Variants in MTERF4 observed in about 807,000 individuals in gnomAD.
The protein encoded by MTERF4 is transcription termination factor 4, mitochondrial.
MTERF4 carries 17 observed loss-of-function variants against 22.5 expected under a neutral mutation model. That is an observed-to-expected ratio of 0.75 (90% CI 0.52 to 1.13). The LOEUF is 1.13. MTERF4 is among the 50% of genes most tolerant of loss of function. MTERF4 has a pLI of 0.00. For missense variants in MTERF4, 420 were observed against 466.8 expected, an observed-to-expected ratio of 0.90 and a Z score of 0.92; for synonymous variants, 165 against 175.3, an observed-to-expected ratio of 0.94 and a Z score of 0.47.
At chr2:241,053,098 G>T in the MTERF4 span, 1 of 1,538,884 alleles carries the variant, frequency 6.5e-7, no homozygotes, top group Non-Finnish European at 8.8e-7. Context: ...GCAGGGCGGT[G>T]GGGAGGGGCC....
rs578230248 is a variant in MTERF4, at chr2:241,096,784, C to T, written c.706-346G>A. 21 of 518,906 alleles carry T rather than the reference C, an allele frequency of 4.0e-5. No homozygotes were observed. Among genetic ancestry groups the T allele is most frequent in the African/African-American group, 3.1e-4 (16 of 51,584 alleles). 32.1% of individuals were successfully genotyped at this position (518,906 alleles called of 1,614,324 possible). On this transcript the variant is annotated intron_variant, in intron 3 of 3. Transcript: ENST00000391980. This position sits in a 1 kb window ranked among gnomAD's most constrained non-coding sequence, Gnocchi z 5.1. Reference sequence around the variant, plus strand: ...AACATTCAGAAAACATCTAGAAATTCGACCTAAGTTGTCATAATTATTACC... The same window carrying T: ...AACATTCAGAAAACATCTAGAAATTTGACCTAAGTTGTCATAATTATTACC...
At chr2:241,071,539 G>T, downstream of MTERF4, 1 of 1,561,934 alleles carries the variant, frequency 6.4e-7, no homozygotes. Flanking sequence ...GCAGAGGGCA[G>T]CCCCAGACCA....
the MTERF4 span, chr2:241,053,171 C>T: frequency 1.2e-6 from 2 of 1,610,696 alleles, no homozygotes; most frequent in Non-Finnish European, 1.7e-6. Flanking sequence ...TGCGGCCCCC[C>T]GGAGGAGGTG....
chr2:241,072,076 C>A (rs1190480048), downstream of MTERF4: 34 of 703,468 alleles, frequency 4.8e-5, no homozygotes, highest in Middle Eastern at 2.3e-4. Context: ...GCAGGAGGGG[C>A]AGCTCGTGAG....
downstream of MTERF4, chr2:241,090,004 G>A: frequency 6.5e-7 from 1 of 1,549,302 alleles, no homozygotes. Flanking sequence ...TAGCGTAGCT[G>A]GAATGCGCAG....
chr2:241,052,229 T>C, the MTERF4 span: 34 of 1,479,050 alleles, frequency 2.3e-5, no homozygotes, highest in Non-Finnish European at 2.8e-5. Context: ...AACAGGCCCA[T>C]GGGCAGGGCT....
At chr2:241,099,946 T>C (rs1467793124) in intron 1 of MTERF4, 52 bp from the exon 2 acceptor site, 15 of 1,579,204 alleles carry the variant, frequency 9.5e-6, no homozygotes, top group Non-Finnish European at 1.2e-5. Flanking sequence ...TCCAGTGTAA[T>C]GGACACCATA....
chr2:241,047,982 T>C, the MTERF4 span, among the ~76,000 whole-genome samples: 3,059 of 98,528 alleles, frequency 0.031, 76 homozygotes, highest in East Asian at 0.11. Flanking sequence ...GTGGTCTCTC[T>C]GGTGCTTCTT....
At chr2:241,088,533 T>C, downstream of MTERF4, 1 of 759,818 alleles carries the variant, frequency 1.3e-6, no homozygotes, top group Non-Finnish European at 2.3e-6. Flanking sequence ...GGTCCTGTGC[T>C]GCTGTGTTAC....
At chr2:241,085,799 A>C (rs1464447737), downstream of MTERF4, among the ~76,000 whole-genome samples, 1 of 146,298 alleles carries the variant, frequency 6.8e-6, no homozygotes, top group Non-Finnish European at 1.5e-5. Context: ...GTGGCTTTGG[A>C]GTAGCCTTTA....
rs536200908 is a variant in MTERF4, at chr2:241,097,175, C to A, written c.705+68G>T. On this transcript the variant is annotated intron_variant, in intron 3 of 3. Coordinates refer to ENST00000391980, the MANE Select transcript of MTERF4 (RefSeq NM_182501.4). The stretch of plus-strand genomic sequence containing the variant: ...CGGTACCAGTCATTCTCACCTGAAA[C>A]TACGCTAATCCCATTACCAGTCATT... The A allele has an allele frequency of 4.5e-6, 7 of 1,563,110 alleles. No homozygotes were observed. The Admixed American group carries it at 8.6e-5, about 19-fold the overall frequency.
At chr2:241,070,882 C>T (rs1158716373), downstream of MTERF4, among the ~76,000 whole-genome samples, 3 of 152,184 alleles carry the variant, frequency 2.0e-5, no homozygotes, top group African/African-American at 2.4e-5. Flanking sequence ...GAGCAGTGCG[C>T]GGCTCCCCAG....
Position 241,096,365 on chromosome 2 carries a change from T to A in MTERF4, c.779A>T (p.Lys260Met), listed in dbSNP as rs749631196. 5 of 1,614,184 alleles carry A rather than the reference T, an allele frequency of 3.1e-6. No homozygotes were observed. The highest frequency in any genetic ancestry group is 4.2e-6 in the Non-Finnish European group (5 of 1,180,038). Residue 260 changes from lysine (K) to methionine (M), a missense_variant, in exon 4 of 4, where the codon AAG becomes ATG. Transcript: ENST00000391980. The surrounding 1 kb of genome is among the most constrained non-coding windows in gnomAD (Gnocchi z 5.1). ...CAGGTAAATGTGTCTCTGCTTAATC[T>A]TGGTTAGTGAATACTGCAAGTACTC... ...KSEYLQYSLTKIKQRHIYLER... is the reference protein window; with the variant it reads ...KSEYLQYSLTMIKQRHIYLER...
downstream of MTERF4, among the ~76,000 whole-genome samples, chr2:241,082,901 G>T (rs1373670222): frequency 6.6e-6 from 1 of 151,962 alleles, no homozygotes; most frequent in Non-Finnish European, 1.5e-5. Context: ...ATGACTTACT[G>T]AGCACCTGCT....
At chr2:241,080,748 G>A (rs145677363) in intron 4 of MTERF4, among the ~76,000 whole-genome samples, 410 of 152,368 alleles carry the variant, frequency 2.7e-3, no homozygotes, top group African/African-American at 9.4e-3. Context: ...GAAAGAAGAA[G>A]CAACCTAGTG....
At chr2:241,069,832 G>A (rs4675997), downstream of MTERF4, 69 of 1,461,718 alleles carry the variant, frequency 4.7e-5, no homozygotes, top group South Asian at 3.0e-4. This position sits in a 1 kb window ranked among gnomAD's most constrained non-coding sequence, Gnocchi z 4.9. Context: ...GCAAGGCTGC[G>A]GCAGCCCATG....
chr2:241,088,215 A>G (rs1575143413), downstream of MTERF4: 3 of 660,794 alleles, frequency 4.5e-6, no homozygotes, highest in East Asian at 5.4e-5. Flanking sequence ...GCTAATCTCC[A>G]CAGCGGTGTC....
At chr2:241,088,728 G>T (rs930381236), downstream of MTERF4, 3 of 360,052 alleles carry the variant, frequency 8.3e-6, no homozygotes, top group South Asian at 1.6e-4. Context: ...GAAGAGGCAG[G>T]GGGGTGGGCC....
chr2:241,065,653 T>C, the MTERF4 span: 2 of 1,472,838 alleles, frequency 1.4e-6, no homozygotes, highest in Non-Finnish European at 1.9e-6. Context: ...AGGGCAGCGC[T>C]GGCCCCGGCA....
Sources: allele counts gnomAD v4.1 joint callset (sites outside exome capture counted in the v4.1 genomes callset), GRCh38; gene constraint gnomAD v4.1.1; non-coding constraint Gnocchi (gnomAD v3.1); transcripts MANE v1.5; gene names NCBI Gene and HGNC (gene_info 2026-07-23, HGNC 2026-07-21).